Variants in NEK6 observed in about 807,000 individuals in gnomAD.
NEK6 encodes the protein NIMA related kinase 6, also known as serine/threonine-protein kinase Nek6.
Under a neutral mutation model 43.5 loss-of-function variants are expected in NEK6, and 27 were observed. The observed-to-expected ratio is 0.62, with a 90% CI of 0.46 to 0.86. The LOEUF is 0.86. Ranked by LOEUF, NEK6 falls within the 40% of genes least tolerant of loss-of-function variation. The pLI is 0.00. For missense variants in NEK6, 318 were observed against 414.4 expected (o/e 0.77, Z 2.02); for synonymous variants, 167 against 164.1 (o/e 1.02, Z -0.14).
intron 8 of NEK6, among the ~76,000 whole-genome samples, chr9:124,340,343 A>G (rs1588540485): frequency 6.6e-6 from 1 of 152,096 alleles, no homozygotes; most frequent in South Asian, 2.1e-4. Context: ...AGCATGAGCC[A>G]CTCTTGGCCA....
chr9:124,340,348 T>G (rs1829535023), intron 8 of NEK6, among the ~76,000 whole-genome samples: 1 of 152,194 alleles, frequency 6.6e-6, no homozygotes, highest in South Asian at 2.1e-4. Context: ...GAGCCACTCT[T>G]GGCCATGAAG....
intron 8 of NEK6, among the ~76,000 whole-genome samples, chr9:124,339,932 C>T (rs1189387392): frequency 1.3e-5 from 2 of 152,152 alleles, no homozygotes; most frequent in Non-Finnish European, 1.5e-5. Context: ...ACAGGCCAGG[C>T]ATCTGATCCC....
intron 9 of NEK6, among the ~76,000 whole-genome samples, chr9:124,350,231 G>A (rs62583826): frequency 3.9e-5 from 6 of 152,192 alleles, no homozygotes; most frequent in Non-Finnish European, 8.8e-5. Flanking sequence ...GCATTTTAAG[G>A]TCATTATTTT....
chr9:124,321,446 C>T lies in NEK6; in HGVS notation c.295-13C>T, dbSNP rs10760352. On this transcript the variant is annotated splice_polypyrimidine_tract_variant and intron_variant, in intron 4 of 9. Coordinates refer to ENST00000320246, the MANE Select transcript of NEK6 (RefSeq NM_014397.6). ...CACTTGGTGCCCCCTTCCCTCTTTC[C>T]CTCCTCATGCAGCAACTGAACCACC... 714,496 of 1,574,666 alleles carry T rather than the reference C, an allele frequency of 0.45. 165,735 individuals carry two copies. The highest frequency in any genetic ancestry group is 0.64 in the East Asian group (28,634 of 44,530).
In NEK6 at chr9:124,313,163, G is replaced by A. The variant is rs376330695; in HGVS notation, c.231+514G>A. ...GGGCCCGTCTGAACACAGCTTTGCC[G>A]GAGGAAATGGCTTTAAATCCTCCAG... On this transcript the variant is annotated intron_variant, in intron 3 of 9. Coordinates refer to ENST00000320246, the MANE Select transcript of NEK6 (RefSeq NM_014397.6). Among the ~76,000 whole-genome samples, 11 of 152,272 alleles carry A rather than the reference G, an allele frequency of 7.2e-5. No individual in the cohort carries two copies. In the East Asian group the frequency reaches 9.6e-4, roughly 13 times the overall value.
At chr9:124,303,931 G>A (rs549422590) in intron 2 of NEK6, among the ~76,000 whole-genome samples, 1 of 152,394 alleles carries the variant, frequency 6.6e-6, no homozygotes, top group South Asian at 2.1e-4. Flanking sequence ...AGAGGGCCCT[G>A]TAATTATTTC....
intron 1 of NEK6, chr9:124,291,864 C>A: frequency 1.0e-6 from 1 of 985,504 alleles, no homozygotes; most frequent in Non-Finnish European, 1.2e-6. Flanking sequence ...GCAGCCGGAG[C>A]TATTTTTAGA....
intron 1 of NEK6, among the ~76,000 whole-genome samples, chr9:124,261,936 C>CT (rs1308727375): frequency 2.6e-5 from 4 of 151,644 alleles, no homozygotes; most frequent in Non-Finnish European, 5.9e-5. Context: ...AAAAATAGTC[C>CT]TTTTTTCCAC....
At position 124,343,959 on chromosome 9, in the gene NEK6, G is replaced by A. The variant is rs1187360623; in HGVS notation, c.718-3750G>A. Reference sequence around the variant, plus strand: ...TAGATCTCGAGGATTCTGGAGGCCAGATGTCCAAAATCAGTCTCGCTGGGC... The same window carrying A: ...TAGATCTCGAGGATTCTGGAGGCCAAATGTCCAAAATCAGTCTCGCTGGGC... On this transcript the variant is annotated intron_variant, in intron 8 of 9. Transcript: ENST00000320246. This position sits in a 1 kb window ranked among gnomAD's most constrained non-coding sequence, Gnocchi z 5.1. Among the ~76,000 whole-genome samples, 1 of 152,224 alleles carries A rather than the reference G, an allele frequency of 6.6e-6. No homozygotes were observed. The highest frequency in any genetic ancestry group is 1.9e-4 in the East Asian group (1 of 5,194).
intron 8 of NEK6, among the ~76,000 whole-genome samples, chr9:124,342,133 G>A (rs7872979): frequency 0.48 from 72,373 of 152,052 alleles, 18,094 homozygotes; most frequent in Non-Finnish European, 0.56. Context: ...CTGCTAACCC[G>A]GCTGTCCCTG....
intron 8 of NEK6, among the ~76,000 whole-genome samples, chr9:124,340,584 A>G (rs1829552966): frequency 1.3e-5 from 2 of 152,232 alleles, no homozygotes; most frequent in East Asian, 1.9e-4. Flanking sequence ...AAACCCCCCC[A>G]GGCTGTTAGA....
At chr9:124,350,514 A>G (rs998185547) in intron 9 of NEK6, among the ~76,000 whole-genome samples, 1 of 150,688 alleles carries the variant, frequency 6.6e-6, no homozygotes, top group East Asian at 1.9e-4. Flanking sequence ...ACACACACAC[A>G]CACACACACA....
intron 4 of NEK6, among the ~76,000 whole-genome samples, chr9:124,315,530 A>T (rs999734396): frequency 3.3e-5 from 5 of 152,210 alleles, no homozygotes; most frequent in African/African-American, 9.7e-5. Flanking sequence ...ATATCCCTCG[A>T]AAACATTGTT....
intron 8 of NEK6, among the ~76,000 whole-genome samples, chr9:124,341,024 G>C (rs1829584463): frequency 6.6e-6 from 1 of 152,180 alleles, no homozygotes; most frequent in Admixed American, 6.5e-5. Flanking sequence ...CTGTTTGCAG[G>C]GTTTAAACTT....
At chr9:124,294,211 C>T (rs750206134) in intron 1 of NEK6, among the ~76,000 whole-genome samples, 3 of 152,188 alleles carry the variant, frequency 2.0e-5, no homozygotes, top group Non-Finnish European at 2.9e-5. Flanking sequence ...ACTAAAACTA[C>T]AAAAATTAGC....
intron 2 of NEK6, among the ~76,000 whole-genome samples, chr9:124,304,324 C>T (rs373199408): frequency 5.3e-5 from 8 of 152,300 alleles, no homozygotes; most frequent in South Asian, 2.1e-4. Flanking sequence ...CAGGAGGCAC[C>T]GCTGCTTCCC....
chr9:124,322,762 C>T (rs543547735), intron 5 of NEK6, among the ~76,000 whole-genome samples: 15 of 152,380 alleles, frequency 9.8e-5, no homozygotes, highest in African/African-American at 3.6e-4. Context: ...CACTTAGAAA[C>T]GGGGCCGGAT....
chr9:124,290,778 T>TCTGGGCCAC (rs1436745388), intron 1 of NEK6, among the ~76,000 whole-genome samples: 1 of 152,196 alleles, frequency 6.6e-6, no homozygotes, highest in Non-Finnish European at 1.5e-5. Flanking sequence ...TGCTGGTCCT[T>TCTGGGCCAC]CTGGGCCACC....
At chr9:124,261,273 G>A in intron 1 of NEK6, 1 of 419,406 alleles carries the variant, frequency 2.4e-6, no homozygotes, top group Non-Finnish European at 3.2e-6. Flanking sequence ...AGAAAGGGCT[G>A]CTGTTCACAT....
Sources: gnomAD v4.1 joint callset for allele counts (sites outside exome capture counted in the v4.1 genomes callset) on GRCh38, gnomAD v4.1.1 for gene constraint, Gnocchi (gnomAD v3.1) non-coding constraint, MANE v1.5 for transcripts, NCBI Gene and HGNC (gene_info 2026-07-23, HGNC 2026-07-21) for gene names.